PWWP2A: variants seen among roughly 807,000 people sequenced by gnomAD.
The protein encoded by PWWP2A is PWWP domain-containing protein 2A.
Under a neutral mutation model 48.5 loss-of-function variants are expected in PWWP2A, and 18 were observed. That is an observed-to-expected ratio of 0.37 (90% CI 0.26 to 0.55). The LOEUF is 0.55. Ranked by LOEUF, PWWP2A falls within the 20% of genes least tolerant of loss-of-function variation. The probability of loss-of-function intolerance (pLI) is 0.81; values close to 1 mark genes in which losing one functional copy is unlikely to be tolerated. For synonymous variants in PWWP2A, 396 were observed against 387.7 expected (o/e 1.02, Z -0.25); for missense variants, 867 against 976.4 (o/e 0.89, Z 1.49).
chr5:160,044,873 A>AT, the PWWP2A span, among the ~76,000 whole-genome samples: 2 of 151,990 alleles, frequency 1.3e-5, no homozygotes, highest in South Asian at 2.1e-4. Context: ...TGACACTCTA[A>AT]TTTTTTATTT....
rs780963054 is a variant in PWWP2A at position 160,094,065 on chromosome 5, C to T, written c.585G>A (p.Arg195=). The change falls in exon 2 of 2, where the codon AGG becomes AGA. Residue 195 remains arginine, a splice_region_variant and synonymous_variant. Transcript: ENST00000307063. ...FSGVLMDLSK[R]FGPHGIPVTV... ...TCACAGGGATACCATGGGGCCCAAA[C>T]CTTTGAAAGAAATGGAAGAAAAAAA... is the stretch of plus-strand genomic sequence containing the variant. 11 of 1,579,550 alleles carry T rather than the reference C, an allele frequency of 7.0e-6. No individual in the cohort carries two copies. The highest frequency in any genetic ancestry group is 1.7e-4 in the Middle Eastern group (1 of 5,792).
At chr5:160,065,932 G>C (rs115180690) in intron 4 of PWWP2A, among the ~76,000 whole-genome samples, 2 of 152,294 alleles carry the variant, frequency 1.3e-5, no homozygotes, top group African/African-American at 4.8e-5. Flanking sequence ...GTGCTCATCA[G>C]TTGATGCTAG....
chr5:160,048,126 CTTTTTTTTTTT>C, the PWWP2A span, among the ~76,000 whole-genome samples: 103 of 35,570 alleles, frequency 2.9e-3, no homozygotes, highest in Middle Eastern at 0.023. Context: ...CAAGACATTG[CTTTTTTTTTTT>C]TTTTTTTTTT....
downstream of PWWP2A, among the ~76,000 whole-genome samples, chr5:160,058,427 T>A (rs1757603302): frequency 6.6e-6 from 1 of 150,930 alleles, no homozygotes; most frequent in African/African-American, 2.4e-5. Flanking sequence ...TTTTTTTTTT[T>A]TGAGACGGAG....
At position 160,094,112 on chromosome 5, in the gene PWWP2A, A is replaced by G. The variant is rs1561673367; in HGVS notation, c.585-47T>C. ...AAAAGAAGACATTAAGTTAACATCT[A>G]TAATTCAATTTCTTAAACGTAAACA... is the stretch of plus-strand genomic sequence containing the variant. On this transcript the variant is annotated intron_variant, in intron 1 of 1. Transcript: ENST00000307063. 4.0e-6 allele frequency: 6 copies of G among 1,495,562 alleles called. No homozygotes were observed. The Admixed American group carries it at 6.7e-5, about 17-fold the overall frequency. The allele number at this position is 1,495,562 out of a possible 1,614,324, so 92.6% of individuals were successfully genotyped here.
chr5:160,050,262 A>G, the PWWP2A span, among the ~76,000 whole-genome samples: 1 of 152,150 alleles, frequency 6.6e-6, no homozygotes, highest in Admixed American at 6.5e-5. Flanking sequence ...AGCCTGACCA[A>G]CATGGAGAAA....
chr5:160,092,342 T>C lies in PWWP2A; in HGVS notation c.*40A>G. 2.7e-6 allele frequency: 4 copies of C among 1,482,126 alleles called. No individual in the cohort carries two copies. Among genetic ancestry groups the C allele is most frequent in the East Asian group, 2.5e-5 (1 of 40,328 alleles). The allele number at this position is 1,482,126 out of a possible 1,614,324, so 91.8% of individuals were successfully genotyped here. ...ATTCCTAACTAGACTAGAAAATCTGTGGTGACTTCCAATGGTCTTGCCTAC... is the reference window on the plus strand; with the variant it reads ...ATTCCTAACTAGACTAGAAAATCTGCGGTGACTTCCAATGGTCTTGCCTAC... On this transcript the variant is annotated 3_prime_UTR_variant, in exon 2 of 2. Coordinates refer to ENST00000307063, the MANE Select transcript of PWWP2A (RefSeq NM_001130864.2).
intron 2 of PWWP2A, among the ~76,000 whole-genome samples, chr5:160,084,293 A>G (rs1402472831): frequency 6.6e-6 from 1 of 152,232 alleles, no homozygotes; most frequent in East Asian, 1.9e-4. Flanking sequence ...CATAGTGTGT[A>G]AGTGGCTGAT....
intron 2 of PWWP2A, chr5:160,080,914 CACAGAAGGAGA>C: frequency 1.4e-6 from 1 of 728,344 alleles, no homozygotes; most frequent in Non-Finnish European, 2.2e-6. Flanking sequence ...TTGCTCGCTT[CACAGAAGGAGA>C]AGCTTTGGTA....
chr5:160,117,151 C>T (rs530749132), intron 1 of PWWP2A, among the ~76,000 whole-genome samples: 3 of 151,806 alleles, frequency 2.0e-5, no homozygotes, highest in African/African-American at 7.2e-5. Flanking sequence ...CCTTATTCTG[C>T]TTTCTAATTA....
At chr5:160,097,458 C>T (rs1048461869) in intron 1 of PWWP2A, among the ~76,000 whole-genome samples, 2 of 150,884 alleles carry the variant, frequency 1.3e-5, no homozygotes, top group Non-Finnish European at 2.9e-5. Flanking sequence ...GGTGAAACCC[C>T]GTCTCTACTA....
At chr5:160,081,669 C>G (rs1212314853) in intron 2 of PWWP2A, among the ~76,000 whole-genome samples, 2 of 152,194 alleles carry the variant, frequency 1.3e-5, no homozygotes, top group Admixed American at 6.5e-5. Context: ...GTTGAAATAA[C>G]AGTTATAACA....
the PWWP2A span, among the ~76,000 whole-genome samples, chr5:160,051,673 G>T: frequency 6.6e-6 from 1 of 152,140 alleles, no homozygotes; most frequent in Non-Finnish European, 1.5e-5. Flanking sequence ...ATCAGACTGG[G>T]GGTAGGGGTA....
intron 1 of PWWP2A, among the ~76,000 whole-genome samples, chr5:160,110,337 A>G (rs1231644047): frequency 2.7e-4 from 41 of 152,182 alleles, no homozygotes; most frequent in Admixed American, 2.7e-3. Flanking sequence ...ATTTGATGAT[A>G]TAAAAGGATT....
At chr5:160,052,376 C>G in the PWWP2A span, among the ~76,000 whole-genome samples, 1 of 151,846 alleles carries the variant, frequency 6.6e-6, no homozygotes, top group South Asian at 2.1e-4. Context: ...TGTGCCTGCC[C>G]ATAGTCCCAG....
intron 3 of PWWP2A, chr5:160,080,585 T>C: frequency 7.3e-7 from 1 of 1,373,346 alleles, no homozygotes; most frequent in Non-Finnish European, 9.6e-7. Flanking sequence ...CTAATCTACT[T>C]CAGGAATGAT....
intron 1 of PWWP2A, among the ~76,000 whole-genome samples, chr5:160,095,681 ATGTTC>A (rs1755566664): frequency 7.2e-6 from 1 of 138,128 alleles, no homozygotes; most frequent in Admixed American, 8.5e-5. Context: ...ATTCTCCGAA[ATGTTC>A]TTTTTTTTTT....
intron 2 of PWWP2A, among the ~76,000 whole-genome samples, chr5:160,084,314 C>G (rs1754459378): frequency 6.6e-6 from 1 of 152,184 alleles, no homozygotes; most frequent in Admixed American, 6.5e-5. Flanking sequence ...CAAAGTCAGG[C>G]TTTGAATCCA....
intron 1 of PWWP2A, among the ~76,000 whole-genome samples, chr5:160,115,535 A>T (rs549041203): frequency 6.6e-6 from 1 of 152,050 alleles, no homozygotes; most frequent in Non-Finnish European, 1.5e-5. Flanking sequence ...TCTACTAAAA[A>T]TACAAAAATT....
Sources: gnomAD v4.1 joint callset for allele counts (sites outside exome capture counted in the v4.1 genomes callset) on GRCh38, gnomAD v4.1.1 for gene constraint, MANE v1.5 for transcripts, NCBI Gene and HGNC (gene_info 2026-07-23, HGNC 2026-07-21) for gene names.